CBFA2T2: variants seen among roughly 807,000 people sequenced by gnomAD.
The protein encoded by CBFA2T2 is protein CBFA2T2.
Under a neutral mutation model 62.2 loss-of-function variants are expected in CBFA2T2, and 11 were observed. The ratio of observed to expected loss-of-function variants is 0.18; its 90% CI spans 0.11 to 0.29. CBFA2T2 has a LOEUF of 0.29. Among genes scored for constraint, CBFA2T2 ranks in the 10% least tolerant of loss-of-function variants. The pLI is 1.00. For missense variants in CBFA2T2, 592 were observed against 774.1 expected (o/e 0.76, Z 2.79); for synonymous variants, 295 against 287.5 (o/e 1.03, Z -0.27).
intron 1 of CBFA2T2, among the ~76,000 whole-genome samples, chr20:33,544,679 T>A (rs1174552750): frequency 6.6e-6 from 1 of 152,046 alleles, no homozygotes; most frequent in Non-Finnish European, 1.5e-5. Context: ...CCTGAGTAGC[T>A]GGGATTACAG....
intron 6 of CBFA2T2, among the ~76,000 whole-genome samples, chr20:33,626,186 G>C (rs2016220928): frequency 6.6e-6 from 1 of 152,174 alleles, no homozygotes; most frequent in African/African-American, 2.4e-5. Flanking sequence ...ACTGCAATGA[G>C]CCATGATGGT....
chr20:33,521,534 A>G (rs1356562909), intron 1 of CBFA2T2, among the ~76,000 whole-genome samples: 1 of 152,184 alleles, frequency 6.6e-6, no homozygotes. Flanking sequence ...TAAGATGGAA[A>G]TGCTGACCTG....
chr20:33,524,429 TG>T (rs1386472155), intron 1 of CBFA2T2, among the ~76,000 whole-genome samples: 1 of 152,162 alleles, frequency 6.6e-6, no homozygotes, highest in African/African-American at 2.4e-5. Flanking sequence ...CAGATGGGTA[TG>T]GTTTTGGAAT....
At chr20:33,498,401 G>A (rs775503319) in intron 1 of CBFA2T2, among the ~76,000 whole-genome samples, 4 of 151,640 alleles carry the variant, frequency 2.6e-5, no homozygotes, top group East Asian at 2.0e-4. Context: ...ACAGGCATGC[G>A]CCACCACACC....
chr20:33,564,331 C>T (rs1176239648), intron 1 of CBFA2T2, among the ~76,000 whole-genome samples: 1 of 150,290 alleles, frequency 6.7e-6, no homozygotes, highest in African/African-American at 2.5e-5. Flanking sequence ...GGCGCGGTCT[C>T]GGCTCACTGC....
chr20:33,543,592 T>G (rs115831684), intron 1 of CBFA2T2, among the ~76,000 whole-genome samples: 1 of 152,162 alleles, frequency 6.6e-6, no homozygotes, highest in Non-Finnish European at 1.5e-5. Context: ...GAAGGTGTTT[T>G]AGATTTCAGT....
intron 1 of CBFA2T2, among the ~76,000 whole-genome samples, chr20:33,520,676 C>T (rs2011703597): frequency 6.6e-6 from 1 of 151,778 alleles, no homozygotes; most frequent in Non-Finnish European, 1.5e-5. Flanking sequence ...GAGGTTGAGC[C>T]AGAGAATTGC....
intron 3 of CBFA2T2, among the ~76,000 whole-genome samples, chr20:33,619,075 G>T (rs992951507): frequency 6.6e-5 from 10 of 152,114 alleles, no homozygotes; most frequent in Non-Finnish European, 1.2e-4. Context: ...TTTTCCTTAT[G>T]ATTTAAAAGT....
chr20:33,614,167 G>A (rs2015624104), intron 3 of CBFA2T2, among the ~76,000 whole-genome samples: 1 of 151,098 alleles, frequency 6.6e-6, no homozygotes, highest in Admixed American at 6.6e-5. Flanking sequence ...TTTTAGTTAT[G>A]AAAAGTATAT....
At chr20:33,507,151 T>C (rs2011416854) in intron 1 of CBFA2T2, among the ~76,000 whole-genome samples, 1 of 152,208 alleles carries the variant, frequency 6.6e-6, no homozygotes, top group Non-Finnish European at 1.5e-5. Flanking sequence ...GAATTGTCAT[T>C]ACAGTGACTA....
At chr20:33,575,485 C>T (rs934236490) in intron 1 of CBFA2T2, among the ~76,000 whole-genome samples, 1 of 152,152 alleles carries the variant, frequency 6.6e-6, no homozygotes, top group Non-Finnish European at 1.5e-5. Context: ...AACTCTCTGG[C>T]GTTGGTCCCT....
In CBFA2T2 at chr20:33,534,578, G is replaced by C. The variant is rs1161653766; in HGVS notation, c.34+44277G>C. ...TCCGTCCACCTCGGCCTCCCAAAGT[G>C]CTGAGATTATAGGCATGATCCATTG... On this transcript the variant is annotated intron_variant, in intron 1 of 10. Transcript: ENST00000342704. Among the ~76,000 whole-genome samples the C allele has an allele frequency of 3.9e-5, 6 of 152,030 alleles. 1 individual carries two copies. The highest frequency in any genetic ancestry group is 5.9e-5 in the Non-Finnish European group (4 of 67,998).
chr20:33,604,582 A>T (rs1229342041), intron 1 of CBFA2T2, among the ~76,000 whole-genome samples: 1 of 152,164 alleles, frequency 6.6e-6, no homozygotes, highest in Non-Finnish European at 1.5e-5. Flanking sequence ...GGTTTGGCCC[A>T]CTATCAAAGC....
rs776181082 is a variant in CBFA2T2, at chr20:33,518,773, CA to C, written c.34+28487del. Among the ~76,000 whole-genome samples, 997 of 126,768 alleles carry C rather than the reference CA, an allele frequency of 7.9e-3. 2 individuals carry two copies. Among genetic ancestry groups the C allele is most frequent in the African/African-American group, 9.6e-3 (332 of 34,490 alleles). 83.2% of individuals were successfully genotyped at this position (126,768 alleles called of 152,430 possible). A position where few individuals can be genotyped will look rare whatever the true frequency, so the allele number is the denominator to read the frequency against. On this transcript the variant is annotated intron_variant, in intron 1 of 10. Coordinates refer to ENST00000342704, the MANE Select transcript of CBFA2T2 (RefSeq NM_001032999.3). Reference sequence around the variant, plus strand: ...TGCAACAAGAGCGAAACTCCTTCTCCAAAAAAAAAAAAAAAGTGAATTTATC... The same window carrying C: ...TGCAACAAGAGCGAAACTCCTTCTCCAAAAAAAAAAAAAAGTGAATTTATC...
chr20:33,642,873 T>C (rs1178551208), intron 10 of CBFA2T2, among the ~76,000 whole-genome samples: 1 of 152,160 alleles, frequency 6.6e-6, no homozygotes, highest in Non-Finnish European at 1.5e-5. Flanking sequence ...AAATCCCAGC[T>C]CTCCATTTTG....
At chr20:33,600,194 T>G (rs892741858) in intron 1 of CBFA2T2, 6 of 136,998 alleles carry the variant, frequency 4.4e-5, no homozygotes, top group Non-Finnish European at 6.3e-5. Context: ...TTTTTTTTTT[T>G]TTTTTTTTTT....
At position 33,494,241 on chromosome 20, in the gene CBFA2T2, GTGTATATATA is replaced by G. The variant is rs1204014732; in HGVS notation, c.34+3942_34+3951del. ...TGTACTATGTATTAGGCATATATAT[GTGTATATATA>G]TATATATATATATATATATATATTT... On this transcript the variant is annotated intron_variant, in intron 1 of 10. Transcript: ENST00000342704. 9.3e-3 allele frequency among the ~76,000 whole-genome samples: 390 copies of G among 41,846 alleles called. 20 individuals carry two copies. Among genetic ancestry groups the G allele is most frequent in the South Asian group, 0.036 (26 of 732 alleles). The allele number at this position is 41,846 out of a possible 152,430, so 27.5% of individuals were successfully genotyped here.
rs1043536716 is a variant in CBFA2T2 at position 33,502,349 on chromosome 20, C to T, written c.34+12048C>T. On this transcript the variant is annotated intron_variant, in intron 1 of 10. Transcript: ENST00000342704. Reference sequence around the variant, plus strand: ...GACACATTCCCACATTTTTTAACTGCTTTTTTTGACACACCAAAAAGGTGT... The same window carrying T: ...GACACATTCCCACATTTTTTAACTGTTTTTTTTGACACACCAAAAAGGTGT... Among the ~76,000 whole-genome samples the T allele has an allele frequency of 4.6e-5, 7 of 151,942 alleles. No homozygotes were observed. The South Asian group carries it at 8.3e-4, about 18-fold the overall frequency.
intron 1 of CBFA2T2, among the ~76,000 whole-genome samples, chr20:33,545,010 T>C (rs1755762): frequency 0.22 from 24,868 of 111,672 alleles, 2,962 homozygotes; most frequent in African/African-American, 0.36. Flanking sequence ...TAGAATAGAA[T>C]AGAACAGAAC....
Sources: gnomAD v4.1 joint callset for allele counts (sites outside exome capture counted in the v4.1 genomes callset) on GRCh38, gnomAD v4.1.1 for gene constraint, MANE v1.5 for transcripts, NCBI Gene and HGNC (gene_info 2026-07-23, HGNC 2026-07-21) for gene names.